KALRN: variants seen among roughly 807,000 people sequenced by gnomAD.
KALRN encodes kalirin.
In KALRN, 70 loss-of-function variants were observed where a neutral mutation model predicts 353.7. The observed-to-expected ratio is 0.20, with a 90% CI of 0.16 to 0.24. The LOEUF is 0.24. KALRN is among the 10% of genes least tolerant of loss of function. The probability of loss-of-function intolerance (pLI) is 1.00; values close to 1 mark genes in which losing one functional copy is unlikely to be tolerated. For missense variants in KALRN, 2,791 were observed against 3,756.7 expected (o/e 0.74, Z 6.72); for synonymous variants, 1,391 against 1,434.8 (o/e 0.97, Z 0.69).
At chr3:124,267,696 A>G (rs1039894874) in intron 4 of KALRN, among the ~76,000 whole-genome samples, 1 of 152,218 alleles carries the variant, frequency 6.6e-6, no homozygotes, top group Admixed American at 6.5e-5. Context: ...GTGGAAAGAG[A>G]AGGAACAAAG....
chr3:124,130,818 T>C (rs1246612409), intron 1 of KALRN, among the ~76,000 whole-genome samples: 5 of 152,194 alleles, frequency 3.3e-5, no homozygotes, highest in Admixed American at 1.3e-4. Flanking sequence ...AGCGCACTAT[T>C]GGCACTCTAA....
In KALRN at chr3:124,650,814, G is replaced by C; in HGVS notation, c.5671G>C (p.Glu1891Gln). 2 of 1,613,518 alleles carry C rather than the reference G, an allele frequency of 1.2e-6. No individual in the cohort carries two copies. The highest frequency in any genetic ancestry group is 2.2e-5 in the South Asian group (2 of 91,068). ...EKLVKNKLSL[E>Q]GSSYRGSLKD... ...TGTTTTTCTCTCTTTTCAGAGTCTA[G>C]AAGGAAGCTCATACCGGGGGAGCTT... The change falls in exon 38 of 60, where the codon GAA (glutamate) becomes CAA (glutamine). Residue 1891 changes from glutamate to glutamine, a missense_variant. Glu to Gln is a conservative substitution (Grantham distance 29). This residue lies in a region of KALRN where 1,065 missense variants were observed against 1,156.4 expected (regional missense o/e 0.92). Coordinates refer to ENST00000682506, the MANE Select transcript of KALRN (RefSeq NM_001388419.1).
At chr3:124,112,241 T>C (rs559966899) in intron 1 of KALRN, among the ~76,000 whole-genome samples, 1 of 147,202 alleles carries the variant, frequency 6.8e-6, no homozygotes, top group South Asian at 2.2e-4. Context: ...AGGCAGAGAC[T>C]GCAGTGAGCC....
At chr3:124,143,286 G>A (rs766362622) in intron 1 of KALRN, among the ~76,000 whole-genome samples, 4 of 152,172 alleles carry the variant, frequency 2.6e-5, no homozygotes, top group Non-Finnish European at 5.9e-5. Context: ...CATGTGGATG[G>A]TGGATGTGTT....
chr3:124,543,684 GTT>G (rs1270311912), intron 33 of KALRN, among the ~76,000 whole-genome samples: 136 of 145,900 alleles, frequency 9.3e-4, no homozygotes, highest in African/African-American at 3.1e-3. Context: ...AAATCAGCAG[GTT>G]TTTTTTTTTT....
rs1237913353 is a variant in KALRN at position 124,367,416 on chromosome 3, A to AC, written c.1771-17422dup. The stretch of plus-strand genomic sequence containing the variant: ...GGGCGGCTGGCCGGGCGGAGGGCTG[A>AC]CCCCCCCACCTCCCTCCCGGACGGG... On this transcript the variant is annotated intron_variant, in intron 10 of 59. Transcript: ENST00000682506. Among the ~76,000 whole-genome samples, 97 of 27,676 alleles carry AC rather than the reference A, an allele frequency of 3.5e-3. 14 individuals carry two copies. Among genetic ancestry groups the AC allele is most frequent in the Middle Eastern group, 0.045 (1 of 22 alleles). 18.2% of individuals were successfully genotyped at this position (27,676 alleles called of 152,430 possible).
chr3:124,656,407 G>A lies in KALRN; in HGVS notation c.5862+740G>A, dbSNP rs532814330. ...GGGTGGATCACGAGGTCAGGAGATC[G>A]AGACCGTCCTGGCTAACACGGTGAA... On this transcript the variant is annotated intron_variant, in intron 39 of 59. Coordinates refer to ENST00000682506, the MANE Select transcript of KALRN (RefSeq NM_001388419.1). Among the ~76,000 whole-genome samples the A allele has an allele frequency of 1.2e-3, 181 of 152,240 alleles. 1 individual carries two copies. The Middle Eastern group carries it at 0.02, about 17-fold the overall frequency.
At chr3:124,576,570 TTGGAC>T (rs1254638384) in intron 34 of KALRN, among the ~76,000 whole-genome samples, 1 of 152,204 alleles carries the variant, frequency 6.6e-6, no homozygotes, top group African/African-American at 2.4e-5. Flanking sequence ...TCTCATTTAT[TTGGAC>T]TGGTTGAAGG....
rs2083398441 is a variant in KALRN at position 124,356,313 on chromosome 3, T to TC, written c.1770+9048_1770+9049insC. On this transcript the variant is annotated intron_variant, in intron 10 of 59. Coordinates refer to ENST00000682506, the MANE Select transcript of KALRN (RefSeq NM_001388419.1). ...AAAAGACACTGAACAGATTGTTCTC[T>TC]TTTTTTTTTCTTTTTCTTTTTCTTT... is the stretch of plus-strand genomic sequence containing the variant. 8.8e-5 allele frequency among the ~76,000 whole-genome samples: 3 copies of TC among 34,106 alleles called. No individual in the cohort carries two copies. The South Asian group carries it at 3.1e-3, about 35-fold the overall frequency. The allele number at this position is 34,106 out of a possible 152,430, so 22.4% of individuals were successfully genotyped here.
chr3:124,667,687 G>A (rs796175841), intron 47 of KALRN, among the ~76,000 whole-genome samples: 25 of 152,238 alleles, frequency 1.6e-4, no homozygotes, highest in African/African-American at 5.8e-4. Context: ...AGAGATGATT[G>A]CTAACTTTAA....
At chr3:124,679,377 G>T (rs763623963) in intron 50 of KALRN, 81 bp from the exon 51 acceptor site, 1 of 1,249,988 alleles carries the variant, frequency 8.0e-7, no homozygotes, top group Non-Finnish European at 1.1e-6. Context: ...CTTCTCTGAA[G>T]TTCTCCTCTC....
In KALRN at chr3:124,113,646, C is replaced by A. The variant is rs140082219; in HGVS notation, c.73+79833C>A. Among the ~76,000 whole-genome samples, 79 of 152,294 alleles carry A rather than the reference C, an allele frequency of 5.2e-4. 1 individual carries two copies. In the East Asian group the frequency reaches 0.015, roughly 29 times the overall value. On this transcript the variant is annotated intron_variant, in intron 1 of 59. Transcript: ENST00000682506. ...AAGCCATTGGTAGTTTCTTTTAAGG[C>A]CCCGCCTCCTCACCTGGAGACTACT...
At chr3:124,245,342 T>A (rs1008274290) in intron 3 of KALRN, among the ~76,000 whole-genome samples, 1 of 152,180 alleles carries the variant, frequency 6.6e-6, no homozygotes, top group African/African-American at 2.4e-5. Context: ...GGCTGAAGAG[T>A]ACTCCGTTGT....
chr3:124,463,455 C>T (rs2060041026), intron 25 of KALRN, among the ~76,000 whole-genome samples: 1 of 152,150 alleles, frequency 6.6e-6, no homozygotes, highest in Non-Finnish European at 1.5e-5. Flanking sequence ...CACCCTGAGG[C>T]AAGACTCCAG....
rs1192500184 is a variant in KALRN, at chr3:124,354,297, C to T, written c.1770+7032C>T. Among the ~76,000 whole-genome samples, 3 of 152,262 alleles carry T rather than the reference C, an allele frequency of 2.0e-5. No homozygotes were observed. In the East Asian group the frequency reaches 5.8e-4, roughly 29 times the overall value. ...CTCTCGTTCCATGTGATGGCAGTAA[C>T]TACAGCAAAGAAGGGAAGCTTTGAG... On this transcript the variant is annotated intron_variant, in intron 10 of 59. Coordinates refer to ENST00000682506, the MANE Select transcript of KALRN (RefSeq NM_001388419.1).
intron 1 of KALRN, among the ~76,000 whole-genome samples, chr3:124,160,776 C>G (rs2069807161): frequency 6.6e-6 from 1 of 152,188 alleles, no homozygotes; most frequent in South Asian, 2.1e-4. Flanking sequence ...CCTGCATGGT[C>G]AGTGCCCTGT....
chr3:124,043,229 A>G (rs2040128915), intron 1 of KALRN, among the ~76,000 whole-genome samples: 1 of 152,064 alleles, frequency 6.6e-6, no homozygotes. Context: ...ATGGGGAGGA[A>G]GTGGTGGGAG....
Position 124,434,320 on chromosome 3 carries a change from C to A in KALRN, c.2843C>A (p.Ala948Asp), listed in dbSNP as rs1560927763. The A allele has an allele frequency of 6.2e-7, 1 of 1,612,638 alleles. No individual in the cohort carries two copies. The highest frequency in any genetic ancestry group is 8.5e-7 in the Non-Finnish European group (1 of 1,179,946). The change falls in exon 17 of 60, where the codon GCC (alanine) becomes GAC (aspartate). Residue 948 changes from alanine (A) to aspartate (D), a missense_variant. Physicochemically the swap from Ala to Asp is moderately radical, Grantham distance 126 (BLOSUM62 -2). Transcript: ENST00000682506. The stretch of plus-strand genomic sequence containing the variant: ...CCTTGTGCCCAGTCCCTCTTTCATG[C>A]CACTTCCTTGCAGAAGACGCACCAG... ...FQLAIESLFH[A>D]TSLQKTHQSA...
intron 10 of KALRN, among the ~76,000 whole-genome samples, chr3:124,377,292 A>G (rs1285625184): frequency 6.6e-6 from 1 of 152,192 alleles, no homozygotes; most frequent in Non-Finnish European, 1.5e-5. Flanking sequence ...AACTGATGCC[A>G]CCTTCTTTGA....
Sources: gnomAD v4.1 joint callset for allele counts (sites outside exome capture counted in the v4.1 genomes callset) on GRCh38, gnomAD v4.1.1 for gene constraint, gnomAD v4.1.1 regional missense constraint, MANE v1.5 for transcripts, NCBI Gene and HGNC (gene_info 2026-07-23, HGNC 2026-07-21) for gene names.